The following ATP8A2 variants were observed in gnomAD, a reference collection of about 807,000 sequenced individuals.
ATP8A2 encodes the protein phospholipid-transporting ATPase IB.
ATP8A2 carries 100 observed loss-of-function variants against 165.6 expected under a neutral mutation model. The ratio of observed to expected loss-of-function variants is 0.60; its 90% confidence interval spans 0.51 to 0.71. The LOEUF (loss-of-function observed/expected upper bound fraction) is 0.71. Among genes scored for constraint, ATP8A2 ranks in the 30% least tolerant of loss-of-function variants. ATP8A2 has a pLI of 0.00. For missense variants in ATP8A2, 1,227 were observed against 1,479.5 expected, an observed-to-expected ratio of 0.83 and a Z score of 2.80; for synonymous variants, 543 against 548.8, an observed-to-expected ratio of 0.99 and a Z score of 0.15.
intron 1 of ATP8A2, among the ~76,000 whole-genome samples, chr13:25,407,087 G>C (rs1452585374): frequency 6.6e-6 from 1 of 152,228 alleles, no homozygotes; most frequent in Non-Finnish European, 1.5e-5. Context: ...CCGCAGAAGA[G>C]ACTGCCTAGA....
intron 33 of ATP8A2, among the ~76,000 whole-genome samples, chr13:25,882,883 C>T (rs1953021665): frequency 6.7e-6 from 1 of 149,380 alleles, no homozygotes; most frequent in African/African-American, 2.5e-5. Context: ...TCCTTAAAGC[C>T]CCTGTGCCTG....
chr13:25,531,174 G>GTTGT (rs2038027451), intron 4 of ATP8A2, among the ~76,000 whole-genome samples: 1 of 118,562 alleles, frequency 8.4e-6, no homozygotes, highest in African/African-American at 3.5e-5. Context: ...TATGTTATAT[G>GTTGT]ATATATATAT....
At chr13:25,855,494 G>T (rs2138731082) in intron 30 of ATP8A2, among the ~76,000 whole-genome samples, 1 of 152,210 alleles carries the variant, frequency 6.6e-6, no homozygotes, top group South Asian at 2.1e-4. Flanking sequence ...CTATCATATT[G>T]ATATACCACA....
chr13:25,952,320 T>C (rs888343705), intron 33 of ATP8A2, among the ~76,000 whole-genome samples: 2 of 152,044 alleles, frequency 1.3e-5, no homozygotes, highest in African/African-American at 2.4e-5. Flanking sequence ...GCTTCCTCCC[T>C]CCTGTGGCAA....
intron 27 of ATP8A2, among the ~76,000 whole-genome samples, chr13:25,807,806 G>T (rs1950774324): frequency 6.6e-6 from 1 of 152,126 alleles, no homozygotes; most frequent in African/African-American, 2.4e-5. Context: ...CGAGAAGCCA[G>T]AAGTAACACT....
chr13:25,762,737 G>A (rs1253750946), intron 25 of ATP8A2, among the ~76,000 whole-genome samples: 1 of 152,096 alleles, frequency 6.6e-6, no homozygotes, highest in East Asian at 1.9e-4. Context: ...AGGAAAGGGA[G>A]GGATAGAAAA....
chr13:25,537,942 G>T (rs770000815), intron 6 of ATP8A2, 46 bp from the exon 7 acceptor site: 3 of 1,365,162 alleles, frequency 2.2e-6, no homozygotes, highest in East Asian at 2.3e-5. Context: ...TGTGTGTTTT[G>T]TTTCTTTTCT....
intron 1 of ATP8A2, among the ~76,000 whole-genome samples, chr13:25,425,044 T>A (rs193300558): frequency 6.6e-6 from 1 of 152,346 alleles, no homozygotes; most frequent in East Asian, 1.9e-4. Context: ...ATTTCAGTGA[T>A]GACGGTGGAG....
At chr13:25,728,985 G>A (rs577309402) in intron 25 of ATP8A2, among the ~76,000 whole-genome samples, 4 of 152,276 alleles carry the variant, frequency 2.6e-5, no homozygotes, top group African/African-American at 9.6e-5. Flanking sequence ...ATTAAATGGA[G>A]ATTTTCCTCT....
chr13:25,476,001 T>G (rs2035984099), intron 2 of ATP8A2, among the ~76,000 whole-genome samples: 2 of 152,248 alleles, frequency 1.3e-5, no homozygotes. Flanking sequence ...TTTATTTTGC[T>G]GTGCAGAAGC....
intron 33 of ATP8A2, among the ~76,000 whole-genome samples, chr13:25,891,543 G>A (rs963231204): frequency 5.3e-5 from 8 of 152,020 alleles, no homozygotes; most frequent in South Asian, 4.2e-4. Flanking sequence ...GGCTGGTCTC[G>A]AACTCCCTGA....
intron 2 of ATP8A2, among the ~76,000 whole-genome samples, chr13:25,513,417 G>A (rs1390448421): frequency 1.0e-4 from 15 of 143,268 alleles, no homozygotes; most frequent in Admixed American, 6.3e-4. Flanking sequence ...GGGAAGAGGC[G>A]CTCCTCACTT....
intron 1 of ATP8A2, among the ~76,000 whole-genome samples, chr13:25,418,796 T>C (rs1157129479): frequency 1.3e-5 from 2 of 152,084 alleles, no homozygotes; most frequent in African/African-American, 4.8e-5. Flanking sequence ...AGTTCAACAG[T>C]TCATCATTTT....
chr13:25,485,410 G>A (rs1236843794), intron 2 of ATP8A2, among the ~76,000 whole-genome samples: 2 of 152,226 alleles, frequency 1.3e-5, no homozygotes, highest in African/African-American at 2.4e-5. Flanking sequence ...CAACATAAGG[G>A]AAGATTTCTT....
At chr13:25,782,162 G>A (rs370360680) in intron 27 of ATP8A2, among the ~76,000 whole-genome samples, 2 of 152,180 alleles carry the variant, frequency 1.3e-5, no homozygotes, top group Non-Finnish European at 2.9e-5. Flanking sequence ...TTCATTACAC[G>A]GTAAAAGATA....
intron 2 of ATP8A2, among the ~76,000 whole-genome samples, chr13:25,484,339 T>C (rs539798426): frequency 7.2e-5 from 11 of 152,248 alleles, no homozygotes; most frequent in African/African-American, 2.6e-4. Flanking sequence ...CATCTGTATC[T>C]TTCTACCCTC....
intron 24 of ATP8A2, among the ~76,000 whole-genome samples, chr13:25,690,422 A>G (rs1248223465): frequency 6.6e-6 from 1 of 152,066 alleles, no homozygotes; most frequent in Non-Finnish European, 1.5e-5. Context: ...AACTAAAATT[A>G]GAGTATCTCA....
chr13:25,469,476 A>G (rs1042219924), intron 2 of ATP8A2, among the ~76,000 whole-genome samples: 1 of 152,162 alleles, frequency 6.6e-6, no homozygotes, highest in African/African-American at 2.4e-5. Flanking sequence ...GCCAGTTGAT[A>G]GCCTTCTTTA....
chr13:25,481,170 GGGGAGA>G (rs1253699810), intron 2 of ATP8A2, among the ~76,000 whole-genome samples: 8 of 147,102 alleles, frequency 5.4e-5, no homozygotes, highest in African/African-American at 1.3e-4. Flanking sequence ...GGGAGACCGT[GGGGAGA>G]GGGAGAGGGA....
Sources: gnomAD v4.1 joint callset for allele counts (sites outside exome capture counted in the v4.1 genomes callset) on GRCh38, gnomAD v4.1.1 for gene constraint, MANE v1.5 for transcripts, NCBI Gene and HGNC (gene_info 2026-07-23, HGNC 2026-07-21) for gene names.